Variants in AKT3 observed in about 807,000 individuals in gnomAD.
AKT3 encodes RAC-gamma serine/threonine-protein kinase.
In AKT3, 15 loss-of-function variants were observed where a neutral mutation model predicts 65.3. The observed-to-expected ratio is 0.23, with a 90% CI of 0.15 to 0.35. The LOEUF (loss-of-function observed/expected upper bound fraction) is 0.35, where lower values mean the gene tolerates loss of function less well. AKT3 is among the 10% of genes least tolerant of loss of function. The pLI is 1.00. For synonymous variants in AKT3, 206 were observed against 183.8 expected, an observed-to-expected ratio of 1.12 and a Z score of -0.98; for missense variants, 243 against 576.5, an observed-to-expected ratio of 0.42 and a Z score of 5.92.
At chr1:243,554,953 G>T (rs568730292) in intron 10 of AKT3, among the ~76,000 whole-genome samples, 1 of 151,962 alleles carries the variant, frequency 6.6e-6, no homozygotes, top group East Asian at 1.9e-4. Flanking sequence ...AAAAAGGGGG[G>T]TTTTATTTTT....
chr1:243,505,012 G>A lies in AKT3; in HGVS notation c.*237C>T, dbSNP rs1409933147. On this transcript the variant is annotated 3_prime_UTR_variant, in exon 14 of 14. Transcript: ENST00000673466. ...TTGCTATAATAGTAAGACAGTAGCA[G>A]CAACAGCATGAGACCTTAGACTGAG... is the stretch of plus-strand genomic sequence containing the variant. The A allele has an allele frequency of 6.1e-6, 3 of 491,218 alleles. No individual in the cohort carries two copies. Among genetic ancestry groups the A allele is most frequent in the Admixed American group, 3.7e-5 (1 of 27,056 alleles). The allele number at this position is 491,218 out of a possible 1,614,324, so 30.4% of individuals were successfully genotyped here.
At chr1:243,686,645 A>ATTTTTTT (rs1684325987) in intron 3 of AKT3, among the ~76,000 whole-genome samples, 1 of 22,008 alleles carries the variant, frequency 4.5e-5, no homozygotes, top group Non-Finnish European at 1.1e-4. Context: ...ATATATATAT[A>ATTTTTTT]TATATATTTT....
At chr1:243,688,601 G>C (rs1335057937) in intron 3 of AKT3, among the ~76,000 whole-genome samples, 2 of 152,152 alleles carry the variant, frequency 1.3e-5, no homozygotes, top group African/African-American at 4.8e-5. Flanking sequence ...GAAGCACTGA[G>C]CTAGGATGGT....
At chr1:243,587,236 G>A (rs1196040882) in intron 8 of AKT3, among the ~76,000 whole-genome samples, 1 of 152,188 alleles carries the variant, frequency 6.6e-6, no homozygotes, top group Non-Finnish European at 1.5e-5. Context: ...TAAACAGACA[G>A]TCTTTGCAAA....
At chr1:243,633,625 GC>G (rs1219221237) in intron 6 of AKT3, among the ~76,000 whole-genome samples, 1 of 151,870 alleles carries the variant, frequency 6.6e-6, no homozygotes, top group African/African-American at 2.4e-5. Context: ...AAAGAAAATA[GC>G]TATAGAATAT....
At chr1:243,499,033 T>C (rs1362066551), downstream of AKT3, among the ~76,000 whole-genome samples, 1 of 152,204 alleles carries the variant, frequency 6.6e-6, no homozygotes, top group Non-Finnish European at 1.5e-5. Flanking sequence ...AGTGGAAACA[T>C]TTCCAGTGGC....
At chr1:243,815,776 A>AGTTGTTGTTGTTTTTGTTGTTGTT (rs1553457869) in intron 2 of AKT3, among the ~76,000 whole-genome samples, 3 of 147,186 alleles carry the variant, frequency 2.0e-5, no homozygotes, top group Non-Finnish European at 3.0e-5. Flanking sequence ...ACACCCAGCT[A>AGTTGTTGTTGTTTTTGTTGTTGTT]GTTGTTGTTG....
intron 2 of AKT3, among the ~76,000 whole-genome samples, chr1:243,714,906 T>C (rs1686407153): frequency 1.3e-5 from 2 of 152,118 alleles, no homozygotes; most frequent in Admixed American, 1.3e-4. Flanking sequence ...GTGACCCTTT[T>C]AGGTAAAATA....
At chr1:243,516,809 T>G (rs74536940) in intron 12 of AKT3, among the ~76,000 whole-genome samples, 2 of 152,180 alleles carry the variant, frequency 1.3e-5, no homozygotes, top group Non-Finnish European at 2.9e-5. Flanking sequence ...CTCACTATGT[T>G]GTGCAGACTA....
At chr1:243,659,953 T>C (rs1159557413) in intron 4 of AKT3, among the ~76,000 whole-genome samples, 1 of 152,168 alleles carries the variant, frequency 6.6e-6, no homozygotes, top group African/African-American at 2.4e-5. Context: ...TTTTTGGTTG[T>C]GTCTCTGCCA....
At chr1:243,512,813 G>A (rs1489813249) in intron 12 of AKT3, among the ~76,000 whole-genome samples, 2 of 152,116 alleles carry the variant, frequency 1.3e-5, no homozygotes, top group African/African-American at 2.4e-5. Flanking sequence ...AGCTGAAGAG[G>A]GTAGTAATAA....
chr1:243,496,544 A>G (rs1302247365), downstream of AKT3, among the ~76,000 whole-genome samples: 1 of 152,098 alleles, frequency 6.6e-6, no homozygotes, highest in African/African-American at 2.4e-5. Flanking sequence ...CAGAGCGGAC[A>G]GCAGGGGGGG....
At chr1:243,806,830 A>G (rs1290289375) in intron 2 of AKT3, among the ~76,000 whole-genome samples, 3 of 152,220 alleles carry the variant, frequency 2.0e-5, no homozygotes, top group Admixed American at 6.5e-5. Context: ...TCCAAATAAT[A>G]TATTAACTTT....
downstream of AKT3, among the ~76,000 whole-genome samples, chr1:243,499,315 G>A (rs2148329214): frequency 6.6e-6 from 1 of 152,302 alleles, no homozygotes; most frequent in East Asian, 1.9e-4. Context: ...GTTTCAGCTT[G>A]TATTGTTTCA....
intron 8 of AKT3, among the ~76,000 whole-genome samples, chr1:243,606,018 A>G (rs1315555203): frequency 6.6e-6 from 1 of 152,122 alleles, no homozygotes; most frequent in African/African-American, 2.4e-5. Context: ...CTATGTGAAG[A>G]AGGACATGTT....
intron 2 of AKT3, among the ~76,000 whole-genome samples, chr1:243,834,579 T>TGAGGGTG (rs1202514933): frequency 1.3e-5 from 2 of 152,160 alleles, no homozygotes; most frequent in Non-Finnish European, 2.9e-5. Context: ...GAGTGTATTT[T>TGAGGGTG]GAGGGTGGAG....
chr1:243,849,384 ACACC>A (rs1695654732), intron 1 of AKT3, among the ~76,000 whole-genome samples: 1 of 81,328 alleles, frequency 1.2e-5, no homozygotes, highest in Non-Finnish European at 2.5e-5. Flanking sequence ...TCCCACACAC[ACACC>A]CCCCCCCCCA....
At chr1:243,646,079 A>G (rs1292546278) in intron 4 of AKT3, 42 bp from the exon 5 acceptor site, 1 of 1,496,656 alleles carries the variant, frequency 6.7e-7, no homozygotes, top group East Asian at 2.3e-5. Context: ...GAAGATGGTA[A>G]ATGATTTAAA....
intron 3 of AKT3, 102 bp downstream of exon 3, chr1:243,695,489 C>G: frequency 8.9e-7 from 1 of 1,127,112 alleles, no homozygotes; most frequent in Non-Finnish European, 1.2e-6. Context: ...AAATATAAAC[C>G]CAAACTTTTT....
Sources: gnomAD v4.1 joint callset for allele counts (sites outside exome capture counted in the v4.1 genomes callset) on GRCh38, gnomAD v4.1.1 for gene constraint, MANE v1.5 for transcripts, NCBI Gene and HGNC (gene_info 2026-07-23, HGNC 2026-07-21) for gene names.